The following ARHGAP39 variants were observed in gnomAD, a reference collection of about 807,000 sequenced individuals.
The protein encoded by ARHGAP39 is Rho GTPase activating protein 39, also known as rho GTPase-activating protein 39.
Under a neutral mutation model 106.9 loss-of-function variants are expected in ARHGAP39, and 44 were observed. That is an observed-to-expected ratio of 0.41 (90% CI 0.32 to 0.53). ARHGAP39 has a LOEUF of 0.53. Among genes scored for constraint, ARHGAP39 ranks in the 20% least tolerant of loss-of-function variants. The pLI is 0.21. For synonymous variants in ARHGAP39, 768 were observed against 693.2 expected (o/e 1.11, Z -1.69); for missense variants, 1,496 against 1,577.3 (o/e 0.95, Z 0.87).
intron 1 of ARHGAP39, among the ~76,000 whole-genome samples, chr8:144,660,695 A>T (rs894627513): frequency 6.6e-6 from 1 of 152,136 alleles, no homozygotes; most frequent in South Asian, 2.1e-4. Context: ...ATAATTTTTT[A>T]AAAGGCTGGG....
intron 1 of ARHGAP39, among the ~76,000 whole-genome samples, chr8:144,635,506 A>G (rs1265144583): frequency 6.6e-6 from 1 of 152,216 alleles, no homozygotes; most frequent in African/African-American, 2.4e-5. Context: ...CATGATAAAC[A>G]TCAATGTAAG....
chr8:144,624,485 A>G (rs1013709769), intron 1 of ARHGAP39, among the ~76,000 whole-genome samples: 1 of 152,238 alleles, frequency 6.6e-6, no homozygotes, highest in African/African-American at 2.4e-5. Flanking sequence ...CCTGTGTGGC[A>G]AGGCTGCCTC....
Position 144,638,286 on chromosome 8 carries a change from T to C in ARHGAP39, c.-81-32591A>G, listed in dbSNP as rs117614970. ...CTCTGATTGCTTTTAAAATCTTCTC[T>C]TGGTCTTTGGTGTTTTGGAGCTTTC... On this transcript the variant is annotated intron_variant, in intron 1 of 11. Transcript: ENST00000377307. Among the ~76,000 whole-genome samples, 291 of 152,374 alleles carry C rather than the reference T, an allele frequency of 1.9e-3. 6 individuals carry two copies. The East Asian group carries it at 0.045, about 24-fold the overall frequency.
chr8:144,662,549 A>G (rs1821855596), intron 1 of ARHGAP39, among the ~76,000 whole-genome samples: 1 of 129,638 alleles, frequency 7.7e-6, no homozygotes, highest in Admixed American at 8.1e-5. Context: ...CCTCCACATT[A>G]TCCACCTTGG....
intron 3 of ARHGAP39, among the ~76,000 whole-genome samples, chr8:144,556,026 C>T (rs1183997991): frequency 6.6e-6 from 1 of 152,240 alleles, no homozygotes; most frequent in Non-Finnish European, 1.5e-5. Context: ...TGGCTCACGC[C>T]TGGAATCCCA....
chr8:144,646,201 T>C lies in ARHGAP39; in HGVS notation c.-82+39485A>G, dbSNP rs529377248. ...CCGGAGGGGATGTGGATGTTCTCTCTGTGCAGACAGGGCAACAACCGCAAA... is the reference window on the plus strand; with the variant it reads ...CCGGAGGGGATGTGGATGTTCTCTCCGTGCAGACAGGGCAACAACCGCAAA... On this transcript the variant is annotated intron_variant, in intron 1 of 11. Transcript: ENST00000377307. The surrounding 1 kb of genome is among the most constrained non-coding windows in gnomAD (Gnocchi z 5.7). Among the ~76,000 whole-genome samples the C allele has an allele frequency of 2.0e-5, 3 of 152,262 alleles. No homozygotes were observed. The highest frequency in any genetic ancestry group is 2.0e-4 in the Admixed American group (3 of 15,274).
intron 3 of ARHGAP39, among the ~76,000 whole-genome samples, chr8:144,570,339 G>T (rs1269931491): frequency 6.6e-6 from 1 of 152,190 alleles, no homozygotes; most frequent in Admixed American, 6.5e-5. Context: ...GAACAATCCT[G>T]CCAAACAAAA....
At chr8:144,601,983 G>A (rs1819994984) in intron 2 of ARHGAP39, among the ~76,000 whole-genome samples, 1 of 147,428 alleles carries the variant, frequency 6.8e-6, no homozygotes, top group Non-Finnish European at 1.5e-5. Context: ...GGAGGTGCGT[G>A]TGCGAGCTCA....
At chr8:144,535,004 C>T (rs534061084) in intron 7 of ARHGAP39, among the ~76,000 whole-genome samples, 3 of 152,290 alleles carry the variant, frequency 2.0e-5, no homozygotes, top group Admixed American at 1.3e-4. Flanking sequence ...TGAGAGAACA[C>T]GCCAAGAGAA....
At chr8:144,665,062 C>G (rs1006914088) in intron 1 of ARHGAP39, among the ~76,000 whole-genome samples, 1 of 152,162 alleles carries the variant, frequency 6.6e-6, no homozygotes, top group Non-Finnish European at 1.5e-5. Context: ...GAATAAGGTC[C>G]AGGCTGAGGT....
chr8:144,691,163 A>G, the ARHGAP39 span, among the ~76,000 whole-genome samples: 7 of 151,970 alleles, frequency 4.6e-5, no homozygotes, highest in Non-Finnish European at 8.8e-5. Context: ...CACTTCCTCA[A>G]CTAGTGACTG....
intron 2 of ARHGAP39, among the ~76,000 whole-genome samples, chr8:144,596,101 C>T (rs1395626942): frequency 1.3e-5 from 2 of 152,178 alleles, no homozygotes; most frequent in African/African-American, 2.4e-5. Context: ...GACAGAGGCC[C>T]CGCAGCAAAC....
At chr8:144,676,349 A>T (rs1386340963) in intron 1 of ARHGAP39, among the ~76,000 whole-genome samples, 1 of 152,144 alleles carries the variant, frequency 6.6e-6, no homozygotes, top group Non-Finnish European at 1.5e-5. Context: ...AAAGTTCTCC[A>T]AGTCCCCACT....
chr8:144,635,699 G>T (rs1277789333), intron 1 of ARHGAP39, among the ~76,000 whole-genome samples: 1 of 151,382 alleles, frequency 6.6e-6, no homozygotes, highest in Non-Finnish European at 1.5e-5. Context: ...TGAGTCTCCC[G>T]CTAGGTAGAC....
At chr8:144,594,474 C>G (rs1440752242) in intron 2 of ARHGAP39, among the ~76,000 whole-genome samples, 4 of 152,146 alleles carry the variant, frequency 2.6e-5, no homozygotes, top group Middle Eastern at 3.2e-3. Context: ...GTGGGCAGAT[C>G]ACCTGAGGTC....
At chr8:144,613,490 G>GT (rs59528973) in intron 1 of ARHGAP39, among the ~76,000 whole-genome samples, 5,497 of 142,972 alleles carry the variant, frequency 0.038, 246 homozygotes, top group African/African-American at 0.11. Flanking sequence ...TTGGTGGACA[G>GT]TTTTTTTTTT....
chr8:144,674,607 G>A (rs561311984), intron 1 of ARHGAP39, among the ~76,000 whole-genome samples: 1 of 152,166 alleles, frequency 6.6e-6, no homozygotes, highest in Non-Finnish European at 1.5e-5. Flanking sequence ...CTTGAACATG[G>A]GGCTTCATCA....
the ARHGAP39 span, chr8:144,698,924 G>A: frequency 8.8e-6 from 4 of 455,046 alleles, no homozygotes; most frequent in Non-Finnish European, 1.8e-5. Flanking sequence ...GAATAAACAT[G>A]GAGTGTTCAC....
chr8:144,605,772 G>A (rs781161679), intron 1 of ARHGAP39, 77 bp from the exon 2 acceptor site: 156 of 723,408 alleles, frequency 2.2e-4, no homozygotes, highest in Non-Finnish European at 3.1e-4. Flanking sequence ...GCCCACCGCC[G>A]CAGACTGGCT....
Sources: gnomAD v4.1 joint callset for allele counts (sites outside exome capture counted in the v4.1 genomes callset) on GRCh38, gnomAD v4.1.1 for gene constraint, Gnocchi (gnomAD v3.1) non-coding constraint, MANE v1.5 for transcripts, NCBI Gene and HGNC (gene_info 2026-07-23, HGNC 2026-07-21) for gene names.